RALGAPA2: variants seen among roughly 807,000 people sequenced by gnomAD.
RALGAPA2 encodes the protein Ral GTPase activating protein catalytic subunit alpha 2, also known as ral GTPase-activating protein subunit alpha-2.
In RALGAPA2, 139 loss-of-function variants were observed where a neutral mutation model predicts 230.4. The ratio of observed to expected loss-of-function variants is 0.60; its 90% CI spans 0.53 to 0.69. RALGAPA2 has a LOEUF of 0.69. RALGAPA2 is among the 30% of genes least tolerant of loss of function. RALGAPA2 has a pLI of 0.00. For missense variants in RALGAPA2, 2,163 were observed against 2,276.0 expected (o/e 0.95, Z 1.01); for synonymous variants, 847 against 837.8 (o/e 1.01, Z -0.19).
At chr20:20,569,205 A>T (rs893641935) in intron 23 of RALGAPA2, among the ~76,000 whole-genome samples, 13 of 152,206 alleles carry the variant, frequency 8.5e-5, no homozygotes, top group Admixed American at 7.2e-4. Flanking sequence ...TCTTAACTTA[A>T]ATGAAAAAAA....
At chr20:20,541,718 T>C (rs140529707) in intron 24 of RALGAPA2, among the ~76,000 whole-genome samples, 10 of 152,308 alleles carry the variant, frequency 6.6e-5, no homozygotes, top group African/African-American at 2.2e-4. Flanking sequence ...GTAACTGATA[T>C]CAGAAAGTGA....
chr20:20,693,802 G>A (rs1194747511), intron 1 of RALGAPA2, among the ~76,000 whole-genome samples: 1 of 152,054 alleles, frequency 6.6e-6, no homozygotes, highest in Non-Finnish European at 1.5e-5. Flanking sequence ...ACCCAATTAA[G>A]TGTAATACTA....
intron 19 of RALGAPA2, among the ~76,000 whole-genome samples, chr20:20,584,300 T>C (rs1247807437): frequency 6.6e-6 from 1 of 152,198 alleles, no homozygotes; most frequent in Admixed American, 6.5e-5. Flanking sequence ...CTGGGAACTT[T>C]CTGGGGAAGA....
At chr20:20,407,855 A>G (rs571634015) in intron 38 of RALGAPA2, among the ~76,000 whole-genome samples, 2 of 152,364 alleles carry the variant, frequency 1.3e-5, no homozygotes, top group African/African-American at 4.8e-5. Context: ...CAGGAATGGC[A>G]GTGGCATCCT....
At chr20:20,541,697 CACT>C (rs1297977077) in intron 24 of RALGAPA2, among the ~76,000 whole-genome samples, 1 of 152,162 alleles carries the variant, frequency 6.6e-6, no homozygotes, top group African/African-American at 2.4e-5. Context: ...TTTGGACCAC[CACT>C]GACTGTGGTA....
intron 20 of RALGAPA2, among the ~76,000 whole-genome samples, chr20:20,576,443 T>C (rs2064821724): frequency 6.6e-6 from 1 of 152,174 alleles, no homozygotes. Flanking sequence ...TTATAGATTG[T>C]TCCTCAATTG....
chr20:20,632,082 T>C (rs1369711945), intron 9 of RALGAPA2, among the ~76,000 whole-genome samples: 1 of 151,824 alleles, frequency 6.6e-6, no homozygotes, highest in African/African-American at 2.4e-5. Flanking sequence ...TGGAGTGCAG[T>C]GGCTCGATCT....
chr20:20,431,384 G>C (rs1378669762), intron 37 of RALGAPA2, among the ~76,000 whole-genome samples: 1 of 152,200 alleles, frequency 6.6e-6, no homozygotes, highest in African/African-American at 2.4e-5. Context: ...CCACAGCACA[G>C]AGATCTGTAC....
chr20:20,492,402 T>C (rs534217474), intron 36 of RALGAPA2, among the ~76,000 whole-genome samples: 3 of 152,240 alleles, frequency 2.0e-5, no homozygotes, highest in African/African-American at 7.2e-5. Flanking sequence ...GAATATTCCT[T>C]AACTTCAAGC....
chr20:20,457,071 A>G (rs189809993), intron 37 of RALGAPA2, among the ~76,000 whole-genome samples: 1 of 152,314 alleles, frequency 6.6e-6, no homozygotes, highest in East Asian at 1.9e-4. Flanking sequence ...ATCTCCAATG[A>G]TGAACTCAAT....
chr20:20,458,507 A>T (rs2061186848), intron 37 of RALGAPA2, among the ~76,000 whole-genome samples: 2 of 138,570 alleles, frequency 1.4e-5, no homozygotes, highest in South Asian at 2.1e-4. Flanking sequence ...TATTATATAT[A>T]ATATATATGT....
intron 20 of RALGAPA2, among the ~76,000 whole-genome samples, chr20:20,578,368 A>G (rs2064884445): frequency 6.6e-6 from 1 of 152,026 alleles, no homozygotes. Flanking sequence ...ATTTTATTTT[A>G]TTTTTCATTA....
chr20:20,644,521 A>G (rs1173600004), intron 4 of RALGAPA2, among the ~76,000 whole-genome samples: 2 of 152,238 alleles, frequency 1.3e-5, no homozygotes, highest in East Asian at 1.9e-4. Flanking sequence ...CCAGAAAAAA[A>G]TCACTGGCAA....
intron 1 of RALGAPA2, among the ~76,000 whole-genome samples, chr20:20,711,408 C>T (rs2069859233): frequency 6.6e-6 from 1 of 152,182 alleles, no homozygotes; most frequent in Non-Finnish European, 1.5e-5. Flanking sequence ...CCACCAAATA[C>T]ACAGGTAAGT....
intron 36 of RALGAPA2, among the ~76,000 whole-genome samples, chr20:20,487,772 C>T (rs778303442): frequency 1.3e-5 from 2 of 151,966 alleles, no homozygotes; most frequent in Non-Finnish European, 2.9e-5. Context: ...CTTAGCCAGG[C>T]GTGGTGGCAT....
At chr20:20,589,001 T>C (rs1033555025) in intron 18 of RALGAPA2, among the ~76,000 whole-genome samples, 2 of 152,160 alleles carry the variant, frequency 1.3e-5, no homozygotes, top group African/African-American at 4.8e-5. Context: ...CAGGCAAAGG[T>C]AACTGCTTAA....
At chr20:20,561,879 C>T (rs1163807945) in intron 23 of RALGAPA2, among the ~76,000 whole-genome samples, 3 of 152,192 alleles carry the variant, frequency 2.0e-5, no homozygotes, top group Admixed American at 1.3e-4. Flanking sequence ...CTGTGCACTA[C>T]AGGATATTTA....
chr20:20,697,689 C>T (rs557365806), intron 1 of RALGAPA2, among the ~76,000 whole-genome samples: 6 of 152,334 alleles, frequency 3.9e-5, no homozygotes, highest in African/African-American at 1.4e-4. Context: ...AGTGGCCACA[C>T]TCCTCTCAAG....
intron 36 of RALGAPA2, among the ~76,000 whole-genome samples, chr20:20,473,645 T>C (rs2061587220): frequency 6.6e-6 from 1 of 152,164 alleles, no homozygotes; most frequent in Non-Finnish European, 1.5e-5. Context: ...ACACCCAGCT[T>C]CTGTTTTTAA....
Sources: allele counts gnomAD v4.1 joint callset (sites outside exome capture counted in the v4.1 genomes callset), GRCh38; gene constraint gnomAD v4.1.1; transcripts MANE v1.5; gene names NCBI Gene and HGNC (gene_info 2026-07-23, HGNC 2026-07-21).